The following DIPK1C variants were observed in gnomAD, a reference collection of about 807,000 sequenced individuals.
DIPK1C encodes familial non-conventional Alzheimer's dementia.
DIPK1C carries 33 observed loss-of-function variants against 28.0 expected under a neutral mutation model. The observed-to-expected ratio is 1.18, with a 90% CI of 0.89 to 1.58. The LOEUF (loss-of-function observed/expected upper bound fraction) is 1.58. Ranked by LOEUF, DIPK1C falls within the 40% of genes most tolerant of loss-of-function variation. DIPK1C has a pLI of 0.00. For missense variants in DIPK1C, 569 were observed against 568.5 expected, an observed-to-expected ratio of 1.00 and a Z score of -0.01; for synonymous variants, 255 against 248.8, an observed-to-expected ratio of 1.02 and a Z score of -0.23.
chr18:74,462,666 T>TAAA, upstream of DIPK1C, among the ~76,000 whole-genome samples: 1 of 138,368 alleles, frequency 7.2e-6, no homozygotes. Flanking sequence ...ATGTTTTGCT[T>TAAA]AAAAAAAAAA....
chr18:74,445,178 C>T (rs1986231342), intron 2 of DIPK1C, among the ~76,000 whole-genome samples: 1 of 152,160 alleles, frequency 6.6e-6, no homozygotes, highest in South Asian at 2.1e-4. Flanking sequence ...CGTGGACACT[C>T]CCTGACTTCC....
At position 74,457,069 on chromosome 18, in the gene DIPK1C, G is replaced by A. The variant is rs867126223; in HGVS notation, c.191C>T (p.Ala64Val). ...CTDEKSRRIL[A>V]ALCQDYQGGT... ...AGCGGCGGCGGGACCTACCAGCGCG[G>A]CCAGGATGCGCCGGCTCTTCTCGTC... The change falls in exon 1 of 4, where the codon GCC becomes GTC. Residue 64 changes from alanine to valine, a missense_variant. By Grantham distance (64) the Ala-to-Val change is moderately conservative. Transcript: ENST00000343998. 1.4e-6 allele frequency: 2 copies of A among 1,461,634 alleles called. No homozygotes were observed. The highest frequency in any genetic ancestry group is 1.3e-5 in the South Asian group (1 of 75,758). The allele number at this position is 1,461,634 out of a possible 1,614,324, so 90.5% of individuals were successfully genotyped here. A position where few individuals can be genotyped will look rare whatever the true frequency, so the allele number is the denominator to read the frequency against.
chr18:74,463,525 A>G, the DIPK1C span, among the ~76,000 whole-genome samples: 1 of 152,098 alleles, frequency 6.6e-6, no homozygotes, highest in Non-Finnish European at 1.5e-5. Flanking sequence ...ATTTCCCTCC[A>G]GTGCAAAGGG....
chr18:74,441,676 G>A (rs1197772941), intron 3 of DIPK1C, among the ~76,000 whole-genome samples: 2 of 152,146 alleles, frequency 1.3e-5, no homozygotes, highest in African/African-American at 4.8e-5. Context: ...TTGTAGATAC[G>A]TGGGGTGGAG....
intron 3 of DIPK1C, among the ~76,000 whole-genome samples, chr18:74,437,240 A>G (rs1018934437): frequency 1.3e-5 from 2 of 152,210 alleles, no homozygotes; most frequent in Non-Finnish European, 2.9e-5. Flanking sequence ...GTGAACTTGT[A>G]TGGCTGCCTG....
At chr18:74,458,452 T>G (rs1986565985), upstream of DIPK1C, among the ~76,000 whole-genome samples, 1 of 152,074 alleles carries the variant, frequency 6.6e-6, no homozygotes, top group South Asian at 2.1e-4. Flanking sequence ...CTTGCCCTTG[T>G]CTCTTCTGCA....
At chr18:74,439,741 G>C (rs991981700) in intron 3 of DIPK1C, among the ~76,000 whole-genome samples, 6 of 152,168 alleles carry the variant, frequency 3.9e-5, no homozygotes, top group African/African-American at 1.4e-4. Flanking sequence ...GATCACTTGA[G>C]CCCAGGAGTT....
chr18:74,436,586 GTGTTCCCAC>G lies in DIPK1C; in HGVS notation c.1166_1174del (p.Ser389_Asn391del). 6.2e-7 allele frequency: 1 copy of G among 1,612,710 alleles called. No individual in the cohort carries two copies. The highest frequency in any genetic ancestry group is 8.5e-7 in the Non-Finnish European group (1 of 1,179,858). ...GAACACGCTGGAGGCTGCTCTCCGG[GTGTTCCCAC>G]TGGGGACCCCAGGGTCTGCACATTC... On this transcript the variant is annotated inframe_deletion, in exon 4 of 4. Transcript: ENST00000343998.
rs190477154 is a variant in DIPK1C at position 74,447,163 on chromosome 18, C to T, written c.319G>A (p.Asp107Asn). The change falls in exon 2 of 4, where the codon GAC becomes AAC. Residue 107 changes from aspartate to asparagine, a missense_variant. Physicochemically the swap from Asp to Asn is conservative, Grantham distance 23. Coordinates refer to ENST00000343998, the MANE Select transcript of DIPK1C (RefSeq NM_001044369.3). This position sits in a 1 kb window ranked among gnomAD's most constrained non-coding sequence, Gnocchi z 4.1. ...YNRGKKVLQA[D>N]WRGRPVVLKS... Reference sequence around the variant, plus strand: ...AGGACCACGGGCCGGCCGCGCCAGTCGGCCTGCAGCACCTTCTTGCCTCTG... The same window carrying T: ...AGGACCACGGGCCGGCCGCGCCAGTTGGCCTGCAGCACCTTCTTGCCTCTG... 2.4e-5 allele frequency: 37 copies of T among 1,550,554 alleles called. No individual in the cohort carries two copies. In the Admixed American group the frequency reaches 6.5e-4, roughly 27 times the overall value.
intron 3 of DIPK1C, among the ~76,000 whole-genome samples, chr18:74,438,344 AT>A (rs1182881117): frequency 6.6e-6 from 1 of 152,242 alleles, no homozygotes; most frequent in Non-Finnish European, 1.5e-5. Flanking sequence ...ACTGCAATAA[AT>A]GTCTTGCAGA....
chr18:74,439,972 T>TCTCG (rs1986082900), intron 3 of DIPK1C, among the ~76,000 whole-genome samples: 2 of 145,270 alleles, frequency 1.4e-5, no homozygotes, highest in African/African-American at 5.1e-5. Flanking sequence ...TGAGACGGAG[T>TCTCG]CTCGCTCTGT....
intron 3 of DIPK1C, among the ~76,000 whole-genome samples, chr18:74,440,006 G>GCA (rs1986084267): frequency 6.8e-6 from 1 of 147,642 alleles, no homozygotes; most frequent in African/African-American, 2.5e-5. Context: ...GTGCAGTGAT[G>GCA]CAATCTCGGC....
At chr18:74,456,002 A>G (rs1036711405) in intron 1 of DIPK1C, among the ~76,000 whole-genome samples, 3 of 152,222 alleles carry the variant, frequency 2.0e-5, no homozygotes, top group African/African-American at 7.2e-5. Context: ...AAAATCTACA[A>G]TCTCAAAAGG....
At chr18:74,437,418 T>C (rs551410874) in intron 3 of DIPK1C, among the ~76,000 whole-genome samples, 22 of 152,322 alleles carry the variant, frequency 1.4e-4, no homozygotes, top group African/African-American at 5.1e-4. Flanking sequence ...TGAGGATCAC[T>C]AGAAATTTCT....
At chr18:74,442,683 A>G (rs1247501511) in intron 2 of DIPK1C, among the ~76,000 whole-genome samples, 1 of 152,224 alleles carries the variant, frequency 6.6e-6, no homozygotes, top group Non-Finnish European at 1.5e-5. Flanking sequence ...CTTTAACTGC[A>G]AAAAGGACCT....
chr18:74,441,362 G>T (rs1986119844), intron 3 of DIPK1C, among the ~76,000 whole-genome samples: 1 of 152,172 alleles, frequency 6.6e-6, no homozygotes, highest in Admixed American at 6.5e-5. Context: ...AGTGAGGGCA[G>T]AAGGAGACAG....
rs375558069 is a variant in DIPK1C at position 74,442,355 on chromosome 18, G to C, written c.877-239C>G. Among the ~76,000 whole-genome samples the C allele has an allele frequency of 5.3e-5, 8 of 151,986 alleles. No homozygotes were observed. In the East Asian group the frequency reaches 7.7e-4, roughly 15 times the overall value. On this transcript the variant is annotated intron_variant, in intron 2 of 3. Transcript: ENST00000343998. ...CTTTTTTTTTTTTAATTGAGACGGA[G>C]TCTCACTCTGTCACCCAGGCTGGAG...
intron 1 of DIPK1C, among the ~76,000 whole-genome samples, chr18:74,456,078 T>C (rs1052281034): frequency 2.0e-5 from 3 of 152,178 alleles, no homozygotes; most frequent in Non-Finnish European, 2.9e-5. Flanking sequence ...TTTTAGAAAA[T>C]AGATCTCTTT....
intron 1 of DIPK1C, among the ~76,000 whole-genome samples, chr18:74,453,617 C>CTTCA (rs1488562775): frequency 6.6e-5 from 10 of 152,320 alleles, no homozygotes; most frequent in Admixed American, 5.2e-4. Context: ...GCAGTTAAGC[C>CTTCA]TTCAGGACAA....
Sources: gnomAD v4.1 joint callset for allele counts (sites outside exome capture counted in the v4.1 genomes callset) on GRCh38, gnomAD v4.1.1 for gene constraint, Gnocchi (gnomAD v3.1) non-coding constraint, MANE v1.5 for transcripts, NCBI Gene and HGNC (gene_info 2026-07-23, HGNC 2026-07-21) for gene names.